ANKHD1: variants seen among roughly 807,000 people sequenced by gnomAD.
ANKHD1 encodes ankyrin repeat and KH domain containing 1.
Under a neutral mutation model 230.5 loss-of-function variants are expected in ANKHD1, and 31 were observed. The ratio of observed to expected loss-of-function variants is 0.13; its 90% CI spans 0.10 to 0.18. The LOEUF is 0.18. Ranked by LOEUF, ANKHD1 falls within the 10% of genes least tolerant of loss-of-function variation. The pLI, the probability that ANKHD1 is intolerant of heterozygous loss-of-function variation, is 1.00. For missense variants in ANKHD1, 2,256 were observed against 3,071.3 expected (o/e 0.73, Z 6.27); for synonymous variants, 1,074 against 1,117.6 (o/e 0.96, Z 0.78).
In ANKHD1 at chr5:140,497,126, T is replaced by C; in HGVS notation, c.2852T>C (p.Leu951Pro). ...TCTAATGGGACAAATTCTCTTGAAC[T>C]TCAGAAAGTATCAGGTAATCAGCAG... is the stretch of plus-strand genomic sequence containing the variant. Reference protein sequence around the residue: ...LGSNGTNSLELQKVSGNQQIV... With the variant: ...LGSNGTNSLEPQKVSGNQQIV... Residue 951 changes from leucine to proline, a missense_variant, in exon 15 of 34, where the codon CTT (leucine) becomes CCT (proline). Leu to Pro is a moderately conservative substitution (Grantham distance 98). This residue lies in a region of ANKHD1 where 358 missense variants were observed against 397.7 expected (regional missense o/e 0.90). Transcript: ENST00000360839. 1 of 1,614,162 alleles carries C rather than the reference T, an allele frequency of 6.2e-7. No individual in the cohort carries two copies. The highest frequency in any genetic ancestry group is 8.5e-7 in the Non-Finnish European group (1 of 1,180,024).
intron 1 of ANKHD1, among the ~76,000 whole-genome samples, chr5:140,420,653 T>G (rs747992910): frequency 2.6e-5 from 4 of 152,160 alleles, no homozygotes; most frequent in Non-Finnish European, 5.9e-5. Context: ...CGTGTGAGGG[T>G]TTATTTCTGG....
chr5:140,488,669 G>A (rs1366813843), intron 14 of ANKHD1, among the ~76,000 whole-genome samples: 1 of 152,004 alleles, frequency 6.6e-6, no homozygotes. Flanking sequence ...GGAGGCTTAA[G>A]CAAGTCAATC....
chr5:140,426,883 C>G (rs1220403426), intron 1 of ANKHD1, among the ~76,000 whole-genome samples: 2 of 152,238 alleles, frequency 1.3e-5, no homozygotes, highest in Non-Finnish European at 2.9e-5. Flanking sequence ...TCTCTTAGTA[C>G]AGAACAAAAT....
chr5:140,533,799 AC>A (rs1349518863), intron 29 of ANKHD1, among the ~76,000 whole-genome samples: 16 of 149,176 alleles, frequency 1.1e-4, no homozygotes, highest in African/African-American at 3.0e-4. Context: ...AAAAAAAAAA[AC>A]AAGAAGTTAT....
intron 24 of ANKHD1, among the ~76,000 whole-genome samples, chr5:140,521,279 GA>G (rs1057197266): frequency 1.3e-5 from 2 of 151,858 alleles, no homozygotes; most frequent in Non-Finnish European, 2.9e-5. Flanking sequence ...TCATTGAGGA[GA>G]AAAAAAGATA....
rs894734829 is a variant in ANKHD1 at position 140,505,299 on chromosome 5, T to C, written c.3262+66T>C. On this transcript the variant is annotated intron_variant, in intron 17 of 33. Transcript: ENST00000360839. ...CAGAAAATAATTAACTTTTTTATTA[T>C]TGATAAATAGTTCCTAGACTATCTC... 16 of 1,518,618 alleles carry C rather than the reference T, an allele frequency of 1.1e-5. No homozygotes were observed. The African/African-American group carries it at 2.1e-4, about 20-fold the overall frequency. 94.1% of individuals were successfully genotyped at this position (1,518,618 alleles called of 1,614,324 possible). A position where few individuals can be genotyped will look rare whatever the true frequency, so the allele number is the denominator to read the frequency against.
chr5:140,483,866 ATAGTCTG>A (rs1182135142), intron 11 of ANKHD1, among the ~76,000 whole-genome samples: 2 of 152,168 alleles, frequency 1.3e-5, no homozygotes, highest in African/African-American at 4.8e-5. Flanking sequence ...TTTACATAAT[ATAGTCTG>A]TAAAAGCTGT....
chr5:140,493,474 T>G (rs1751897348), intron 14 of ANKHD1, among the ~76,000 whole-genome samples: 2 of 152,232 alleles, frequency 1.3e-5, no homozygotes, highest in African/African-American at 4.8e-5. Flanking sequence ...CCTTTTATTT[T>G]CTGGTATCTT....
rs573127036 is a variant in ANKHD1, at chr5:140,538,852, T to G, written c.7405-67T>G. 6 of 1,350,846 alleles carry G rather than the reference T, an allele frequency of 4.4e-6. 1 individual carries two copies. In the South Asian group the frequency reaches 1.3e-4, roughly 29 times the overall value. 83.7% of individuals were successfully genotyped at this position (1,350,846 alleles called of 1,614,324 possible). ...ATTAGAGAAGTCTAAGCTGGTATTA[T>G]GGGATTTATAGTAATTTTATAATTT... On this transcript the variant is annotated intron_variant, in intron 32 of 33. Transcript: ENST00000360839.
chr5:140,419,822 C>T (rs374513360), intron 1 of ANKHD1, among the ~76,000 whole-genome samples: 2 of 98,806 alleles, frequency 2.0e-5, no homozygotes, highest in Admixed American at 1.1e-4. Context: ...TTCTTTCTTT[C>T]TTTCTTTCTT....
intron 1 of ANKHD1, among the ~76,000 whole-genome samples, chr5:140,426,281 A>G (rs1772401030): frequency 6.6e-6 from 1 of 152,048 alleles, no homozygotes; most frequent in Non-Finnish European, 1.5e-5. Flanking sequence ...GGCACACACC[A>G]TCACGCCTGG....
In ANKHD1 at chr5:140,537,545, T is replaced by G; in HGVS notation, c.7184T>G (p.Val2395Gly). 6.2e-7 allele frequency: 1 copy of G among 1,609,664 alleles called. No individual in the cohort carries two copies. Among genetic ancestry groups the G allele is most frequent in the Non-Finnish European group, 8.5e-7 (1 of 1,177,682 alleles). Residue 2395 changes from valine (V) to glycine (G), a missense_variant, in exon 31 of 34, where the codon GTT becomes GGT. Physicochemically the swap from Val to Gly is moderately radical, Grantham distance 109 (BLOSUM62 -3). Around this residue, in one of 13 missense-constraint regions of ANKHD1, gnomAD observed 778 missense variants for 966.5 expected, o/e 0.80. Transcript: ENST00000360839. ...GCGGGGACCAGTTTTGTCGCTCCCG[T>G]TGGACACAGTGGAATCTGGTCATTT... ...APAGTSFVAP[V>G]GHSGIWSFGV... is the part of the protein sequence containing the mutation.
At chr5:140,522,122 C>G (rs1315226548) in intron 24 of ANKHD1, among the ~76,000 whole-genome samples, 1 of 152,236 alleles carries the variant, frequency 6.6e-6, no homozygotes, top group Non-Finnish European at 1.5e-5. Flanking sequence ...CATTCCCCCA[C>G]TGCAATCCCT....
At chr5:140,510,263 A>G in intron 22 of ANKHD1, 82 bp downstream of exon 22, 1 of 1,318,226 alleles carries the variant, frequency 7.6e-7, no homozygotes, top group Non-Finnish European at 1.0e-6. Flanking sequence ...TTTATCTTGG[A>G]GAATTGAGTA....
chr5:140,512,470 A>G (rs1243264188), intron 22 of ANKHD1, among the ~76,000 whole-genome samples: 1 of 152,104 alleles, frequency 6.6e-6, no homozygotes, highest in African/African-American at 2.4e-5. Context: ...TACATCACCA[A>G]TGTTTGTTTA....
chr5:140,464,993 A>G (rs866231469), intron 10 of ANKHD1: 17 of 305,024 alleles, frequency 5.6e-5, no homozygotes, highest in African/African-American at 3.5e-4. Context: ...TAAAACTACT[A>G]GTTTGTTTCT....
chr5:140,504,447 A>G (rs1010901908), intron 15 of ANKHD1, among the ~76,000 whole-genome samples: 1 of 151,994 alleles, frequency 6.6e-6, no homozygotes, highest in Non-Finnish European at 1.5e-5. Context: ...ATTTTTGGAA[A>G]TTTTTTTTCC....
intron 14 of ANKHD1, among the ~76,000 whole-genome samples, chr5:140,492,766 T>G (rs1360325089): frequency 6.6e-6 from 1 of 152,216 alleles, no homozygotes; most frequent in Non-Finnish European, 1.5e-5. Context: ...TAGATCCTTC[T>G]GTATATCATG....
intron 1 of ANKHD1, among the ~76,000 whole-genome samples, chr5:140,420,018 G>T (rs1581218207): frequency 9.5e-6 from 1 of 105,758 alleles, no homozygotes; most frequent in Non-Finnish European, 1.9e-5. Context: ...TCTCCACACA[G>T]TCTCCCTCCC....
Sources: gnomAD v4.1 joint callset for allele counts (sites outside exome capture counted in the v4.1 genomes callset) on GRCh38, gnomAD v4.1.1 for gene constraint, gnomAD v4.1.1 regional missense constraint, MANE v1.5 for transcripts, NCBI Gene and HGNC (gene_info 2026-07-23, HGNC 2026-07-21) for gene names.